C12orf42: variants seen among roughly 807,000 people sequenced by gnomAD.
C12orf42 encodes the protein uncharacterized protein C12orf42.
A neutral mutation model predicts 21.6 loss-of-function variants in C12orf42; 25 were observed. The observed-to-expected ratio is 1.16, with a 90% CI of 0.84 to 1.62. The LOEUF (loss-of-function observed/expected upper bound fraction) is 1.62. C12orf42 is among the 40% of genes most tolerant of loss of function. The probability of loss-of-function intolerance (pLI) is 0.00; values close to 1 mark genes in which losing one functional copy is unlikely to be tolerated. For synonymous variants in C12orf42, 174 were observed against 175.0 expected (o/e 0.99, Z 0.05); for missense variants, 483 against 459.3 (o/e 1.05, Z -0.47).
the C12orf42 span, among the ~76,000 whole-genome samples, chr12:103,116,884 CT>C: frequency 6.6e-6 from 1 of 152,070 alleles, no homozygotes; most frequent in Non-Finnish European, 1.5e-5. Flanking sequence ...TTTGCCTAAT[CT>C]TTTTTAAATT....
In C12orf42 at chr12:103,316,275, A is replaced by G. The variant is rs899147810; in HGVS notation, c.260-9930T>C. 4.6e-5 allele frequency among the ~76,000 whole-genome samples: 7 copies of G among 152,002 alleles called. 1 individual carries two copies. The highest frequency in any genetic ancestry group is 2.0e-4 in the Admixed American group (3 of 15,248). On this transcript the variant is annotated intron_variant, in intron 4 of 5. Transcript: ENST00000548883. ...AGTAGACTTCTCATCAGAAATCATG[A>G]GAGCAAGAAAATAGTGGAATAAAAT...
chr12:103,524,603 G>A, the C12orf42 span, among the ~76,000 whole-genome samples: 2 of 152,182 alleles, frequency 1.3e-5, no homozygotes, highest in African/African-American at 4.8e-5. Context: ...AGTCAGGCTG[G>A]ACCAAATCAA....
chr12:103,548,741 T>C, the C12orf42 span: 4 of 152,220 alleles, frequency 2.6e-5, no homozygotes, highest in Admixed American at 6.5e-5. Flanking sequence ...ATTAAAGATA[T>C]GTGGAAATGA....
Position 103,425,117 on chromosome 12 carries a change from A to G in C12orf42, c.79-23442T>C, listed in dbSNP as rs528536813. ...CACCACAGCTCGGCAAAGCCACTGTAGCCAGACTGCCTCTCTAGATTCCTC... is the reference window on the plus strand; with the variant it reads ...CACCACAGCTCGGCAAAGCCACTGTGGCCAGACTGCCTCTCTAGATTCCTC... On this transcript the variant is annotated intron_variant, in intron 2 of 5. Transcript: ENST00000548883. Among the ~76,000 whole-genome samples, 3 of 152,338 alleles carry G rather than the reference A, an allele frequency of 2.0e-5. No individual in the cohort carries two copies. The East Asian group carries it at 5.8e-4, about 29-fold the overall frequency.
At chr12:103,048,468 A>C in the C12orf42 span, among the ~76,000 whole-genome samples, 1 of 152,134 alleles carries the variant, frequency 6.6e-6, no homozygotes, top group Admixed American at 6.5e-5. Context: ...ACATATTATA[A>C]TTACACGTGT....
intron 4 of C12orf42, among the ~76,000 whole-genome samples, chr12:103,342,848 A>G (rs1002610338): frequency 6.6e-6 from 1 of 152,088 alleles, no homozygotes; most frequent in African/African-American, 2.4e-5. Flanking sequence ...CTCTTCCCAG[A>G]TGTCAGAAAG....
the C12orf42 span, among the ~76,000 whole-genome samples, chr12:103,555,485 C>A: frequency 6.6e-6 from 1 of 152,110 alleles, no homozygotes; most frequent in East Asian, 1.9e-4. Flanking sequence ...GGGGACACAG[C>A]CAAACCATAT....
At chr12:103,229,833 A>G in the C12orf42 span, among the ~76,000 whole-genome samples, 1 of 152,190 alleles carries the variant, frequency 6.6e-6, no homozygotes, top group African/African-American at 2.4e-5. Context: ...GCTACAGTTC[A>G]TTTGTTTTCA....
chr12:103,141,614 C>T, the C12orf42 span, among the ~76,000 whole-genome samples: 1 of 151,274 alleles, frequency 6.6e-6, no homozygotes, highest in African/African-American at 2.4e-5. Flanking sequence ...ACTGCAACCT[C>T]TGCCTCCCAG....
At chr12:103,429,417 G>A (rs1053679682) in intron 2 of C12orf42, among the ~76,000 whole-genome samples, 2 of 152,176 alleles carry the variant, frequency 1.3e-5, no homozygotes, top group African/African-American at 2.4e-5. Flanking sequence ...TCCAAGGGAT[G>A]TGAAGGACCT....
intron 4 of C12orf42, among the ~76,000 whole-genome samples, chr12:103,309,171 G>A (rs1465771052): frequency 6.6e-6 from 1 of 152,116 alleles, no homozygotes; most frequent in African/African-American, 2.4e-5. Context: ...TACACATGTT[G>A]TCCCAGAGTA....
At chr12:103,069,218 T>G in the C12orf42 span, among the ~76,000 whole-genome samples, 1 of 151,644 alleles carries the variant, frequency 6.6e-6, no homozygotes, top group East Asian at 1.9e-4. Context: ...CCATTTGATT[T>G]TTTTTTTGTA....
chr12:103,466,174 G>A (rs192618168), intron 2 of C12orf42, among the ~76,000 whole-genome samples: 9 of 152,298 alleles, frequency 5.9e-5, no homozygotes, highest in African/African-American at 1.9e-4. Context: ...AGAAGAAATA[G>A]TACCAGCTCC....
At chr12:103,436,084 G>A (rs1255150674) in intron 2 of C12orf42, among the ~76,000 whole-genome samples, 5 of 152,192 alleles carry the variant, frequency 3.3e-5, no homozygotes, top group African/African-American at 9.6e-5. Context: ...AGAAGAGAGT[G>A]GTGGCAATTA....
chr12:103,207,033 A>T, the C12orf42 span, among the ~76,000 whole-genome samples: 21 of 152,160 alleles, frequency 1.4e-4, no homozygotes, highest in African/African-American at 4.6e-4. Flanking sequence ...AAGGATGAAA[A>T]GGTAGCTCTG....
chr12:103,344,936 G>A (rs1451164897), intron 4 of C12orf42, among the ~76,000 whole-genome samples: 5 of 152,228 alleles, frequency 3.3e-5, no homozygotes, highest in Admixed American at 2.6e-4. Flanking sequence ...GTAGCTCTGG[G>A]TGAATCATTT....
intron 5 of C12orf42, chr12:103,273,937 A>C: frequency 2.2e-6 from 1 of 456,120 alleles, no homozygotes; most frequent in Admixed American, 2.3e-5. Context: ...TCGCATACTC[A>C]CAGTAAGTAC....
intron 3 of C12orf42, among the ~76,000 whole-genome samples, chr12:103,401,060 A>G (rs2047945208): frequency 6.6e-6 from 1 of 152,224 alleles, no homozygotes; most frequent in African/African-American, 2.4e-5. Context: ...CTTGCCAGCC[A>G]TGGTGACCAT....
At chr12:103,443,064 A>T (rs574143587) in intron 2 of C12orf42, among the ~76,000 whole-genome samples, 2 of 152,258 alleles carry the variant, frequency 1.3e-5, no homozygotes, top group African/African-American at 4.8e-5. Context: ...GTTTCAGGCT[A>T]GTAAGGAGGT....
Sources: gnomAD v4.1 joint callset for allele counts (sites outside exome capture counted in the v4.1 genomes callset) on GRCh38, gnomAD v4.1.1 for gene constraint, MANE v1.5 for transcripts, NCBI Gene and HGNC (gene_info 2026-07-23, HGNC 2026-07-21) for gene names.